Variants in PLCL2 observed in about 807,000 individuals in gnomAD.
PLCL2 encodes phospholipase C like 2.
In PLCL2, 4 loss-of-function variants were observed where a neutral mutation model predicts 79.6. The ratio of observed to expected loss-of-function variants is 0.05; its 90% confidence interval spans 0.02 to 0.11. The LOEUF is 0.11. Ranked by LOEUF, PLCL2 falls within the 10% of genes least tolerant of loss-of-function variation. PLCL2 has a pLI of 1.00. For synonymous variants in PLCL2, 484 were observed against 457.7 expected (o/e 1.06, Z -0.73); for missense variants, 895 against 1,291.0 (o/e 0.69, Z 4.70).
At position 17,009,656 on chromosome 3, in the gene PLCL2, G is replaced by A. The variant is rs748622014; in HGVS notation, c.328-18G>A. The A allele has an allele frequency of 6.0e-6, 8 of 1,325,098 alleles. No homozygotes were observed. Among genetic ancestry groups the A allele is most frequent in the Non-Finnish European group, 7.4e-6 (7 of 947,424 alleles). 82.1% of individuals were successfully genotyped at this position (1,325,098 alleles called of 1,614,324 possible). On this transcript the variant is annotated intron_variant, in intron 1 of 5. Transcript: ENST00000615277. The surrounding 1 kb of genome is among the most constrained non-coding windows in gnomAD (Gnocchi z 4.0). ...TATATTTATGTTATTCTAATATACG[G>A]TCTTTTTTTCCTCTCAGGATGGTAC...
intron 4 of PLCL2, among the ~76,000 whole-genome samples, chr3:17,044,388 T>C (rs2064760297): frequency 6.6e-6 from 1 of 152,226 alleles, no homozygotes; most frequent in Non-Finnish European, 1.5e-5. Context: ...TACTTTCTTC[T>C]TTTTCAATTA....
At chr3:16,898,159 A>G (rs1250825277) in intron 1 of PLCL2, among the ~76,000 whole-genome samples, 1 of 152,210 alleles carries the variant, frequency 6.6e-6, no homozygotes, top group African/African-American at 2.4e-5. Flanking sequence ...TGGCAGCAGC[A>G]AAGTTTTCTC....
At chr3:17,061,239 C>G (rs1353160419) in intron 4 of PLCL2, among the ~76,000 whole-genome samples, 2 of 152,030 alleles carry the variant, frequency 1.3e-5, no homozygotes, top group African/African-American at 4.8e-5. Flanking sequence ...CTGACTTGGC[C>G]CTCACTTCCT....
chr3:17,067,961 G>A lies in PLCL2; in HGVS notation c.3100G>A (p.Glu1034Lys). 6.3e-7 allele frequency: 1 copy of A among 1,590,666 alleles called. No individual in the cohort carries two copies. The highest frequency in any genetic ancestry group is 8.6e-7 in the Non-Finnish European group (1 of 1,162,710). ...KIVHCQKAAM[E>K]FHEHLHSIGT... ...GTCTTTTTTATTTCTTTCAGCCATG[G>A]AATTCCATGAACACTTGCACAGCAT... The change falls in exon 5 of 6, where the codon GAA (glutamate) becomes AAA (lysine). Residue 1034 changes from glutamate to lysine, a missense_variant. By Grantham distance (56) the Glu-to-Lys change is moderately conservative. This residue lies in a region of PLCL2 where 298 missense variants were observed against 459.6 expected (regional missense o/e 0.65). Transcript: ENST00000615277.
intron 4 of PLCL2, among the ~76,000 whole-genome samples, chr3:17,044,922 G>C (rs908192703): frequency 6.6e-6 from 1 of 152,134 alleles, no homozygotes; most frequent in African/African-American, 2.4e-5. Flanking sequence ...TGATTAGGAT[G>C]GGGGGAGAAT....
Position 17,014,916 on chromosome 3 carries a change from G to A in PLCL2, c.3018+5G>A, listed in dbSNP as rs1416958228. On this transcript the variant is annotated splice_donor_5th_base_variant and intron_variant, in intron 3 of 5. Transcript: ENST00000615277. ...ATCGTAACAACTTATGACATGGTGA[G>A]TTGTCCTTTGTCCGTTTACATAGCC... 6.2e-7 allele frequency: 1 copy of A among 1,610,356 alleles called. No individual in the cohort carries two copies. The highest frequency in any genetic ancestry group is 8.5e-7 in the Non-Finnish European group (1 of 1,177,074).
intron 5 of PLCL2, among the ~76,000 whole-genome samples, chr3:17,072,496 C>A (rs894579267): frequency 2.0e-5 from 3 of 151,908 alleles, no homozygotes; most frequent in African/African-American, 7.3e-5. Flanking sequence ...TGACGAAACC[C>A]CGTCTCTACT....
chr3:16,936,949 C>T lies in PLCL2; in HGVS notation c.327+51583C>T, dbSNP rs368596121. On this transcript the variant is annotated intron_variant, in intron 1 of 5. Coordinates refer to ENST00000615277, the MANE Select transcript of PLCL2 (RefSeq NM_001144382.2). ...GCCTCAGTACTATGAACATTTTGAA[C>T]TGGATAATTTTTGGCGGGGTGAGCG... Among the ~76,000 whole-genome samples the T allele has an allele frequency of 3.9e-5, 6 of 152,218 alleles. No homozygotes were observed. In the East Asian group the frequency reaches 7.7e-4, roughly 20 times the overall value.
chr3:16,904,679 A>G (rs974917813), intron 1 of PLCL2, among the ~76,000 whole-genome samples: 3 of 152,112 alleles, frequency 2.0e-5, no homozygotes, highest in Non-Finnish European at 4.4e-5. Flanking sequence ...CCCAAATTTC[A>G]TCTTGAATTG....
chr3:17,002,612 C>T (rs2064222065), intron 1 of PLCL2, among the ~76,000 whole-genome samples: 1 of 151,912 alleles, frequency 6.6e-6, no homozygotes, highest in South Asian at 2.1e-4. Flanking sequence ...GTGTTTGATC[C>T]TGCTTGAGCT....
At chr3:17,032,682 C>T (rs1196946520) in intron 3 of PLCL2, among the ~76,000 whole-genome samples, 4 of 152,248 alleles carry the variant, frequency 2.6e-5, no homozygotes, top group East Asian at 1.9e-4. Flanking sequence ...GCGCATTGGA[C>T]ACACAGCACC....
At chr3:17,036,575 C>T (rs1164722120) in intron 3 of PLCL2, among the ~76,000 whole-genome samples, 1 of 152,120 alleles carries the variant, frequency 6.6e-6, no homozygotes, top group African/African-American at 2.4e-5. Context: ...CTCAAGAGTG[C>T]AGAAAAAAGC....
chr3:17,050,898 G>A (rs1559532323), intron 4 of PLCL2, among the ~76,000 whole-genome samples: 1 of 152,152 alleles, frequency 6.6e-6, no homozygotes, highest in African/African-American at 2.4e-5. Context: ...AGCAACCTAA[G>A]CATCTACCAA....
chr3:16,947,319 A>G (rs1025309893), intron 1 of PLCL2, among the ~76,000 whole-genome samples: 3 of 152,222 alleles, frequency 2.0e-5, no homozygotes, highest in African/African-American at 4.8e-5. Context: ...AAGAGCAGTA[A>G]ATAAAGATTT....
chr3:17,050,652 T>C (rs1294296542), intron 4 of PLCL2, among the ~76,000 whole-genome samples: 1 of 152,148 alleles, frequency 6.6e-6, no homozygotes, highest in Non-Finnish European at 1.5e-5. Context: ...TAACAAATTC[T>C]GGCGAGGCTG....
intron 1 of PLCL2, among the ~76,000 whole-genome samples, chr3:16,910,306 C>T (rs1031898719): frequency 1.3e-5 from 2 of 152,098 alleles, no homozygotes; most frequent in African/African-American, 4.8e-5. Context: ...TGTCACTTTT[C>T]TCCAAAGCCA....
At chr3:16,926,637 C>G (rs771998553) in intron 1 of PLCL2, among the ~76,000 whole-genome samples, 1 of 144,988 alleles carries the variant, frequency 6.9e-6, no homozygotes, top group Non-Finnish European at 1.5e-5. Flanking sequence ...TAATCAAAAC[C>G]TTTTTTTTTT....
At chr3:16,999,523 T>C (rs1242299347) in intron 1 of PLCL2, among the ~76,000 whole-genome samples, 1 of 152,210 alleles carries the variant, frequency 6.6e-6, no homozygotes, top group Non-Finnish European at 1.5e-5. Context: ...ACTCATCTTA[T>C]CATTGTAACA....
chr3:17,068,206 C>G, intron 5 of PLCL2, 141 bp downstream of exon 5: 1 of 583,760 alleles, frequency 1.7e-6, no homozygotes. Context: ...ATGAAGAACT[C>G]TGCCCTTCTA....
Sources: gnomAD v4.1 joint callset for allele counts (sites outside exome capture counted in the v4.1 genomes callset) on GRCh38, gnomAD v4.1.1 for gene constraint, gnomAD v4.1.1 regional missense constraint, Gnocchi (gnomAD v3.1) non-coding constraint, MANE v1.5 for transcripts, NCBI Gene and HGNC (gene_info 2026-07-23, HGNC 2026-07-21) for gene names.